Variants in ATG4A observed in about 807,000 individuals in gnomAD.
ATG4A encodes autophagy related 4A cysteine peptidase.
In ATG4A, 22 loss-of-function variants were observed where a neutral mutation model predicts 38.4. The ratio of observed to expected loss-of-function variants is 0.57; its 90% CI spans 0.41 to 0.82. The LOEUF is 0.82. Among genes scored for constraint, ATG4A ranks in the 40% least tolerant of loss-of-function variants. ATG4A has a pLI of 0.00. For synonymous variants in ATG4A, 86 were observed against 100.7 expected (o/e 0.85, Z 0.88); for missense variants, 220 against 290.0 (o/e 0.76, Z 1.75).
At chrX:108,106,603 A>G (rs1347977810) in intron 1 of ATG4A, among the ~76,000 whole-genome samples, 2 of 111,600 alleles carry the variant, frequency 1.8e-5, no homozygotes, top group Non-Finnish European at 3.8e-5. Context: ...ACAAATTCTT[A>G]GTGTTTCTTC....
chrX:108,112,142 A>T, intron 1 of ATG4A, among the ~76,000 whole-genome samples: 1 of 112,145 alleles, frequency 8.9e-6, no homozygotes, highest in African/African-American at 3.2e-5. Context: ...CCTCTGTGTT[A>T]CAAACAATCC....
At chrX:108,132,010 C>T (rs2032969883) in intron 4 of ATG4A, among the ~76,000 whole-genome samples, 1 of 111,112 alleles carries the variant, frequency 9.0e-6, no homozygotes, top group South Asian at 3.9e-4. Context: ...AGCAATTCTC[C>T]GCCTCAGCCT....
intron 9 of ATG4A, among the ~76,000 whole-genome samples, chrX:108,139,822 C>A (rs2033190539): frequency 8.9e-6 from 1 of 111,852 alleles, no homozygotes; most frequent in Admixed American, 9.5e-5. Flanking sequence ...CAGGCACTGG[C>A]AGATTTGGTG....
At chrX:108,112,332 G>A (rs1304390242) in intron 1 of ATG4A, among the ~76,000 whole-genome samples, 1 of 110,802 alleles carries the variant, frequency 9.0e-6, no homozygotes, top group Non-Finnish European at 1.9e-5. Context: ...TTTAAGCACT[G>A]TGAGCTTTTA....
chrX:108,114,340 A>G (rs367966024), intron 1 of ATG4A, among the ~76,000 whole-genome samples: 65 of 111,729 alleles, frequency 5.8e-4, no homozygotes, highest in African/African-American at 1.9e-3. Flanking sequence ...TATTATCTCT[A>G]TTTTATGGCT....
chrX:108,130,655 C>T (rs1473905473), intron 3 of ATG4A, among the ~76,000 whole-genome samples: 1 of 111,783 alleles, frequency 8.9e-6, no homozygotes, highest in Non-Finnish European at 1.9e-5. Flanking sequence ...TTATGCTCAG[C>T]CTATAGGTGA....
At chrX:108,151,627 T>C (rs1365450746) in intron 10 of ATG4A, among the ~76,000 whole-genome samples, 175 bp from the exon 11 acceptor site, 1 of 111,637 alleles carries the variant, frequency 9.0e-6, no homozygotes, top group African/African-American at 3.3e-5. Flanking sequence ...GAGAGTGATA[T>C]GTATGTCTGA....
chrX:108,109,543 C>G (rs1569301957), intron 1 of ATG4A, among the ~76,000 whole-genome samples: 1 of 112,279 alleles, frequency 8.9e-6, no homozygotes, highest in Non-Finnish European at 1.9e-5. Flanking sequence ...TCCAAGAAAT[C>G]ATCACCAAAT....
At chrX:108,095,115 T>C (rs2031765337) in intron 1 of ATG4A, among the ~76,000 whole-genome samples, 1 of 112,177 alleles carries the variant, frequency 8.9e-6, no homozygotes, top group South Asian at 3.7e-4. Flanking sequence ...AAGTTTTGTA[T>C]TTTTAGTAGA....
chrX:108,107,608 A>G (rs1002507167), intron 1 of ATG4A, among the ~76,000 whole-genome samples: 19 of 111,596 alleles, frequency 1.7e-4, no homozygotes, highest in African/African-American at 5.9e-4. Context: ...TGGGCATTTT[A>G]TGAGACTCTG....
At chrX:108,096,177 C>T (rs2031811743) in intron 1 of ATG4A, among the ~76,000 whole-genome samples, 1 of 112,290 alleles carries the variant, frequency 8.9e-6, no homozygotes, top group Non-Finnish European at 1.9e-5. Context: ...ATAATATTGT[C>T]AAAATGACTT....
At chrX:108,137,352 G>A (rs759522974) in intron 7 of ATG4A, among the ~76,000 whole-genome samples, 182 bp downstream of exon 7, 1 of 112,233 alleles carries the variant, frequency 8.9e-6, no homozygotes, top group South Asian at 3.8e-4. Flanking sequence ...CACCATTAGA[G>A]GGGCCTTGCT....
rs2033646587 is a variant in ATG4A at position 108,153,856 on chromosome X, C to G, written c.*144C>G. 4 of 450,897 alleles carry G rather than the reference C, an allele frequency of 8.9e-6. No homozygotes were observed. In the South Asian group the frequency reaches 1.6e-4, roughly 19 times the overall value. 37.2% of individuals were successfully genotyped at this position (450,897 alleles called of 1,213,427 possible). A position where few individuals can be genotyped will look rare whatever the true frequency, so the allele number is the denominator to read the frequency against. On this transcript the variant is annotated 3_prime_UTR_variant, in exon 13 of 13. Coordinates refer to ENST00000372232, the MANE Select transcript of ATG4A (RefSeq NM_052936.5). ...ATAGCAATCATGACTGAGCCAATCA[C>G]TGTTTCTCAGAAAAACAAAACAAAA...
intron 1 of ATG4A, among the ~76,000 whole-genome samples, chrX:108,100,729 T>C (rs763252959): frequency 1.1e-3 from 126 of 112,361 alleles, no homozygotes; most frequent in Non-Finnish European, 1.8e-3. Context: ...TTTTCAAATG[T>C]TGAGCTAGCC....
chrX:108,094,263 G>A (rs807183), intron 1 of ATG4A, among the ~76,000 whole-genome samples: 55,411 of 110,430 alleles, frequency 0.5, 10,909 homozygotes, highest in African/African-American at 0.69. Context: ...TGAGGTGAGA[G>A]TCTAAATTCA....
chrX:108,141,086 A>ACG, intron 9 of ATG4A, among the ~76,000 whole-genome samples: 2 of 76,914 alleles, frequency 2.6e-5, no homozygotes, highest in Non-Finnish European at 4.9e-5. Flanking sequence ...ATATATATAT[A>ACG]TATATATATA....
At chrX:108,132,123 T>C (rs763364730) in intron 4 of ATG4A, among the ~76,000 whole-genome samples, 29 of 111,833 alleles carry the variant, frequency 2.6e-4, no homozygotes, top group Non-Finnish European at 5.5e-4. Context: ...GATCTCGAAC[T>C]CCTGACCTCA....
At chrX:108,104,680 C>T (rs1417024446) in intron 1 of ATG4A, among the ~76,000 whole-genome samples, 1 of 111,617 alleles carries the variant, frequency 9.0e-6, no homozygotes, top group African/African-American at 3.2e-5. Context: ...TCCAGATGTC[C>T]ATTTCCTTTC....
intron 6 of ATG4A, among the ~76,000 whole-genome samples, chrX:108,136,057 C>A (rs2148009901): frequency 9.0e-6 from 1 of 111,577 alleles, no homozygotes; most frequent in East Asian, 2.8e-4. Flanking sequence ...GCTGGGATTA[C>A]AGGCGTGAGC....
Sources: allele counts gnomAD v4.1 joint callset (sites outside exome capture counted in the v4.1 genomes callset), GRCh38; gene constraint gnomAD v4.1.1; transcripts MANE v1.5; gene names NCBI Gene and HGNC (gene_info 2026-07-23, HGNC 2026-07-21).